Variants in RPTOR observed in about 807,000 individuals in gnomAD.
The protein encoded by RPTOR is regulatory-associated protein of mTOR.
Under a neutral mutation model 169.9 loss-of-function variants are expected in RPTOR, and 21 were observed. The observed-to-expected ratio is 0.12, with a 90% CI of 0.09 to 0.18. The LOEUF is 0.18. Ranked by LOEUF, RPTOR falls within the 10% of genes least tolerant of loss-of-function variation. The pLI is 1.00. For synonymous variants in RPTOR, 732 were observed against 753.2 expected (o/e 0.97, Z 0.46); for missense variants, 1,133 against 1,855.9 (o/e 0.61, Z 7.16).
intron 1 of RPTOR, among the ~76,000 whole-genome samples, chr17:80,587,148 C>A (rs1296371739): frequency 6.6e-6 from 1 of 151,192 alleles, no homozygotes; most frequent in Non-Finnish European, 1.5e-5. Flanking sequence ...CCCGCTCGCC[C>A]CTCTGGCCTC....
intron 13 of RPTOR, among the ~76,000 whole-genome samples, chr17:80,867,752 G>C (rs2068009486): frequency 6.6e-6 from 1 of 152,012 alleles, no homozygotes; most frequent in African/African-American, 2.4e-5. Context: ...AATTAAAATA[G>C]AGAACATTTA....
At chr17:80,751,146 G>A (rs937181721) in intron 5 of RPTOR, among the ~76,000 whole-genome samples, 1 of 152,188 alleles carries the variant, frequency 6.6e-6, no homozygotes, top group African/African-American at 2.4e-5. Flanking sequence ...TACCATCACC[G>A]TGGTGCGAGG....
intron 7 of RPTOR, among the ~76,000 whole-genome samples, chr17:80,815,268 A>C (rs1228856789): frequency 6.6e-6 from 1 of 152,222 alleles, no homozygotes; most frequent in Non-Finnish European, 1.5e-5. Flanking sequence ...CCCCATAGAG[A>C]GAGAGCTGTC....
At chr17:80,880,119 C>T (rs944003703) in intron 13 of RPTOR, among the ~76,000 whole-genome samples, 1 of 152,124 alleles carries the variant, frequency 6.6e-6, no homozygotes, top group Non-Finnish European at 1.5e-5. Context: ...TGGAGAGGAG[C>T]GGGGTGCAGG....
intron 3 of RPTOR, among the ~76,000 whole-genome samples, chr17:80,664,300 C>G (rs2065747020): frequency 6.6e-6 from 1 of 152,180 alleles, no homozygotes; most frequent in African/African-American, 2.4e-5. Flanking sequence ...ATGCATTTAG[C>G]TGTGTTTATT....
chr17:80,716,042 C>G (rs2143135453), intron 4 of RPTOR, among the ~76,000 whole-genome samples: 1 of 152,314 alleles, frequency 6.6e-6, no homozygotes, highest in South Asian at 2.1e-4. Context: ...GTGCAAGTAT[C>G]TTTTGTGTAT....
At chr17:80,784,863 T>C (rs529004458) in intron 6 of RPTOR, among the ~76,000 whole-genome samples, 2 of 152,272 alleles carry the variant, frequency 1.3e-5, no homozygotes, top group South Asian at 4.2e-4. Flanking sequence ...CACGCCTGGC[T>C]AATGCTGGTT....
At chr17:80,949,386 G>T in intron 27 of RPTOR, 57 bp from the exon 28 acceptor site, 1 of 1,441,400 alleles carries the variant, frequency 6.9e-7, no homozygotes, top group Admixed American at 1.7e-5. Flanking sequence ...CACGCACAGA[G>T]CACAGGCCAG....
chr17:80,666,722 C>T (rs936161915), intron 3 of RPTOR, among the ~76,000 whole-genome samples: 1 of 152,166 alleles, frequency 6.6e-6, no homozygotes, highest in East Asian at 1.9e-4. Context: ...CCCAACATTG[C>T]CCCTGCTGTA....
At chr17:80,924,823 C>T (rs756784737) in intron 23 of RPTOR, among the ~76,000 whole-genome samples, 1 of 152,252 alleles carries the variant, frequency 6.6e-6, no homozygotes, top group Non-Finnish European at 1.5e-5. Context: ...CAGACTCTGA[C>T]AGCCCTGGCC....
chr17:80,673,811 G>A (rs953281951), intron 3 of RPTOR, among the ~76,000 whole-genome samples: 4 of 152,220 alleles, frequency 2.6e-5, no homozygotes, highest in Admixed American at 6.5e-5. Flanking sequence ...CCATCAAATG[G>A]AAAGTTTGCT....
rs566191676 is a variant in RPTOR at position 80,952,968 on chromosome 17, G to A, written c.3370+3421G>A. 6.4e-3 allele frequency among the ~76,000 whole-genome samples: 923 copies of A among 143,682 alleles called. 9 individuals are homozygous for A. The highest frequency in any genetic ancestry group is 0.023 in the African/African-American group (855 of 37,870). 94.3% of individuals were successfully genotyped at this position (143,682 alleles called of 152,430 possible). A position where few individuals can be genotyped will look rare whatever the true frequency, so the allele number is the denominator to read the frequency against. ...CAACCTCCGCCTCCCAGGTTCAAGC[G>A]ATTCTCCTGCCTCAGCCTCCCAAGT... is the stretch of plus-strand genomic sequence containing the variant. On this transcript the variant is annotated intron_variant, in intron 28 of 33. Coordinates refer to ENST00000306801, the MANE Select transcript of RPTOR (RefSeq NM_020761.3).
chr17:80,768,914 G>A (rs2066814888), intron 6 of RPTOR, among the ~76,000 whole-genome samples: 1 of 152,142 alleles, frequency 6.6e-6, no homozygotes, highest in African/African-American at 2.4e-5. Flanking sequence ...TTTAATAGCA[G>A]GCATTCATGA....
In RPTOR at chr17:80,869,457, C is replaced by T. The variant is rs527284202; in HGVS notation, c.1510-10958C>T. ...AGGCGTGAGCCACTACACCTGGCCC[C>T]CCTTCTAGATTTTTAATTCAAGAAA... is the stretch of plus-strand genomic sequence containing the variant. On this transcript the variant is annotated intron_variant, in intron 13 of 33. Coordinates refer to ENST00000306801, the MANE Select transcript of RPTOR (RefSeq NM_020761.3). Among the ~76,000 whole-genome samples the T allele has an allele frequency of 2.5e-3, 383 of 152,250 alleles. 1 individual carries two copies. The highest frequency in any genetic ancestry group is 8.8e-3 in the African/African-American group (367 of 41,538).
At chr17:80,930,429 C>CCTCAGCTCATCCTCAGGTCATT (rs1567993853) in intron 24 of RPTOR, among the ~76,000 whole-genome samples, 1 of 2,138 alleles carries the variant, frequency 4.7e-4, no homozygotes, top group Non-Finnish European at 8.3e-4. Flanking sequence ...CTCAGCTCAT[C>CCTCAGCTCATCCTCAGGTCATT]CTCATCCCCA....
intron 1 of RPTOR, among the ~76,000 whole-genome samples, chr17:80,610,545 T>C (rs1017789910): frequency 5.3e-5 from 8 of 152,056 alleles, no homozygotes; most frequent in African/African-American, 1.9e-4. Context: ...GACCCTGTGC[T>C]TGAGGAAAGG....
At chr17:80,619,076 G>A (rs760004530) in intron 1 of RPTOR, among the ~76,000 whole-genome samples, 1 of 152,064 alleles carries the variant, frequency 6.6e-6, no homozygotes, top group Non-Finnish European at 1.5e-5. Flanking sequence ...GCTTTGCTCC[G>A]AGTTTCTGCT....
Position 80,545,734 on chromosome 17 carries a change from C to T in RPTOR, c.105C>T (p.His35=), listed in dbSNP as rs1399320140. 3 of 1,613,838 alleles carry T rather than the reference C, an allele frequency of 1.9e-6. No individual in the cohort carries two copies. The highest frequency in any genetic ancestry group is 3.3e-5 in the Admixed American group (2 of 59,996). Residue 35 remains histidine (H), a synonymous_variant, in exon 1 of 34, where the codon CAC becomes CAT. Transcript: ENST00000306801. ...CTTTGGCTTTTATGAAAAAGAGGCA[C>T]TGTGAGAAAATTGAAGGCTCCAAAT... is the stretch of plus-strand genomic sequence containing the variant. ...NLPLAFMKKR[H]CEKIEGSKSL... is the part of the protein sequence containing the mutation.
At chr17:80,809,285 G>T (rs773701876) in intron 7 of RPTOR, among the ~76,000 whole-genome samples, 1 of 152,106 alleles carries the variant, frequency 6.6e-6, no homozygotes, top group Non-Finnish European at 1.5e-5. Context: ...TCCGCCTCCC[G>T]GGTTCCTGCA....
Sources: gnomAD v4.1 joint callset for allele counts (sites outside exome capture counted in the v4.1 genomes callset) on GRCh38, gnomAD v4.1.1 for gene constraint, MANE v1.5 for transcripts, NCBI Gene and HGNC (gene_info 2026-07-23, HGNC 2026-07-21) for gene names.